The following FOXK1 variants were observed in gnomAD, a reference collection of about 807,000 sequenced individuals.
FOXK1 encodes forkhead box K1, also known as forkhead box protein K1.
FOXK1 carries 19 observed loss-of-function variants against 51.9 expected under a neutral mutation model. The observed-to-expected ratio is 0.37, with a 90% CI of 0.26 to 0.54. The LOEUF (loss-of-function observed/expected upper bound fraction) is 0.54. Ranked by LOEUF, FOXK1 falls within the 20% of genes least tolerant of loss-of-function variation. The pLI, the probability that FOXK1 is intolerant of heterozygous loss-of-function variation, is 0.87. For synonymous variants in FOXK1, 537 were observed against 482.6 expected, an observed-to-expected ratio of 1.11 and a Z score of -1.48; for missense variants, 870 against 1,032.7, an observed-to-expected ratio of 0.84 and a Z score of 2.16.
rs1034699446 is a variant in FOXK1, at chr7:4,715,199, G to A, written c.561-25639G>A. On this transcript the variant is annotated intron_variant, in intron 1 of 8. Coordinates refer to ENST00000328914, the MANE Select transcript of FOXK1 (RefSeq NM_001037165.2). The surrounding 1 kb of genome is among the most constrained non-coding windows in gnomAD (Gnocchi z 4.5). ...ATACGGGGCACGGTGGAACTGTGGC[G>A]ATACGGGGCACGGTGGAACTGTGAT... Among the ~76,000 whole-genome samples, 1 of 152,194 alleles carries A rather than the reference G, an allele frequency of 6.6e-6. No homozygotes were observed. Among genetic ancestry groups the A allele is most frequent in the South Asian group, 2.1e-4 (1 of 4,828 alleles).
chr7:4,733,719 G>A lies in FOXK1; in HGVS notation c.561-7119G>A, dbSNP rs543533531. Among the ~76,000 whole-genome samples the A allele has an allele frequency of 3.3e-5, 5 of 152,240 alleles. No individual in the cohort carries two copies. The highest frequency in any genetic ancestry group is 2.1e-4 in the South Asian group (1 of 4,836). Reference sequence around the variant, plus strand: ...ATGGGAACTGCATCCTGCAGGTATCGCTCGTGAAAACCGGCCTGGCGTCTT... The same window carrying A: ...ATGGGAACTGCATCCTGCAGGTATCACTCGTGAAAACCGGCCTGGCGTCTT... On this transcript the variant is annotated intron_variant, in intron 1 of 8. Coordinates refer to ENST00000328914, the MANE Select transcript of FOXK1 (RefSeq NM_001037165.2). The surrounding 1 kb of genome is among the most constrained non-coding windows in gnomAD (Gnocchi z 5.0).
chr7:4,755,109 C>G lies in FOXK1; in HGVS notation c.904-128C>G, dbSNP rs371438370. ...ACATTAATGGGATAGTTGGAGGGCACTGGGACGGGTGCCGGCAAGACGCGC... is the reference window on the plus strand; with the variant it reads ...ACATTAATGGGATAGTTGGAGGGCAGTGGGACGGGTGCCGGCAAGACGCGC... On this transcript the variant is annotated intron_variant, in intron 3 of 8. Transcript: ENST00000328914. The surrounding 1 kb of genome is among the most constrained non-coding windows in gnomAD (Gnocchi z 6.6). 1.2e-5 allele frequency: 14 copies of G among 1,217,362 alleles called. No homozygotes were observed. The East Asian group carries it at 2.8e-4, about 24-fold the overall frequency. The allele number at this position is 1,217,362 out of a possible 1,614,324, so 75.4% of individuals were successfully genotyped here.
At chr7:4,727,426 G>A (rs1290035088) in intron 1 of FOXK1, among the ~76,000 whole-genome samples, 1 of 151,758 alleles carries the variant, frequency 6.6e-6, no homozygotes, top group Non-Finnish European at 1.5e-5. Context: ...AGTGATTCTT[G>A]TGCCTCAGCC....
rs965332369 is a variant in FOXK1, at chr7:4,707,882, C to T, written c.560+25014C>T. Among the ~76,000 whole-genome samples, 31 of 152,076 alleles carry T rather than the reference C, an allele frequency of 2.0e-4. No individual in the cohort carries two copies. The highest frequency in any genetic ancestry group is 7.0e-4 in the African/African-American group (29 of 41,408). ...TATTTTTAGTAGAGATGGGGTTTCA[C>T]CATGTTGGCCAGGCTGGTCACGAAC... is the stretch of plus-strand genomic sequence containing the variant. On this transcript the variant is annotated intron_variant, in intron 1 of 8. Transcript: ENST00000328914. This position sits in a 1 kb window ranked among gnomAD's most constrained non-coding sequence, Gnocchi z 4.1.
intron 1 of FOXK1, among the ~76,000 whole-genome samples, chr7:4,737,831 G>A (rs976136314): frequency 6.6e-6 from 1 of 152,124 alleles, no homozygotes; most frequent in Non-Finnish European, 1.5e-5. Context: ...TTAGAAAATG[G>A]GTGATGCAAG....
At chr7:4,689,978 G>A (rs1435872196) in intron 1 of FOXK1, among the ~76,000 whole-genome samples, 2 of 152,220 alleles carry the variant, frequency 1.3e-5, no homozygotes, top group Non-Finnish European at 2.9e-5. Context: ...TCTCTTTCCA[G>A]CGAGTAGACG....
At chr7:4,713,079 T>C (rs1780194305) in intron 1 of FOXK1, among the ~76,000 whole-genome samples, 1 of 152,192 alleles carries the variant, frequency 6.6e-6, no homozygotes, top group Non-Finnish European at 1.5e-5. Flanking sequence ...CATAGATAAC[T>C]TTGGTTCAGG....
At chr7:4,720,131 T>C (rs1780290146) in intron 1 of FOXK1, among the ~76,000 whole-genome samples, 1 of 152,226 alleles carries the variant, frequency 6.6e-6, no homozygotes, top group African/African-American at 2.4e-5. Context: ...CCCTCATTGG[T>C]TTCTCCCTGG....
chr7:4,694,622 G>A (rs996526020), intron 1 of FOXK1, among the ~76,000 whole-genome samples: 2 of 152,102 alleles, frequency 1.3e-5, no homozygotes, highest in Non-Finnish European at 1.5e-5. Flanking sequence ...CTTTATTTTT[G>A]TTTTTGTTGG....
intron 1 of FOXK1, among the ~76,000 whole-genome samples, chr7:4,693,990 C>T (rs1452273127): frequency 6.6e-6 from 1 of 152,140 alleles, no homozygotes; most frequent in African/African-American, 2.4e-5. Context: ...AAACGATCCT[C>T]CTGCCTCAGC....
rs1222734966 is a variant in FOXK1, at chr7:4,735,004, A to G, written c.561-5834A>G. On this transcript the variant is annotated intron_variant, in intron 1 of 8. Transcript: ENST00000328914. The surrounding 1 kb of genome is among the most constrained non-coding windows in gnomAD (Gnocchi z 4.7). ...AATGATGACAATTGTATTTATATTT[A>G]TGTCATCGAGAATTAAGTGAGCTAT... Among the ~76,000 whole-genome samples, 1 of 152,118 alleles carries G rather than the reference A, an allele frequency of 6.6e-6. No individual in the cohort carries two copies. The highest frequency in any genetic ancestry group is 2.4e-5 in the African/African-American group (1 of 41,412).
At chr7:4,698,304 A>G (rs1490476870) in intron 1 of FOXK1, among the ~76,000 whole-genome samples, 1 of 150,714 alleles carries the variant, frequency 6.6e-6, no homozygotes, top group East Asian at 2.0e-4. Context: ...TTATATATGT[A>G]TGTGTGTGTA....
At position 4,768,790 on chromosome 7, in the gene FOXK1, C is replaced by T. The variant is rs934377526; in HGVS notation, c.*6326C>T. ...GAGGATTCGTCTCTGACTGATGAACCTCGCCGTGCCTGTCTGTCACATCCA... is the reference window on the plus strand; with the variant it reads ...GAGGATTCGTCTCTGACTGATGAACTTCGCCGTGCCTGTCTGTCACATCCA... On this transcript the variant is annotated 3_prime_UTR_variant, in exon 9 of 9. Transcript: ENST00000328914. 4 of 152,252 alleles carry T rather than the reference C, an allele frequency of 2.6e-5. No individual in the cohort carries two copies. Among genetic ancestry groups the T allele is most frequent in the Non-Finnish European group, 4.4e-5 (3 of 68,084 alleles). The allele number at this position is 152,252 out of a possible 1,614,324, so 9.4% of individuals were successfully genotyped here.
chr7:4,741,101 C>T lies in FOXK1; in HGVS notation c.746+78C>T, dbSNP rs761516638. The T allele has an allele frequency of 6.7e-5, 71 of 1,055,726 alleles. No homozygotes were observed. In the East Asian group the frequency reaches 1.2e-3, roughly 17 times the overall value. The allele number at this position is 1,055,726 out of a possible 1,614,324, so 65.4% of individuals were successfully genotyped here. A position where few individuals can be genotyped will look rare whatever the true frequency, so the allele number is the denominator to read the frequency against. On this transcript the variant is annotated intron_variant, in intron 2 of 8. Coordinates refer to ENST00000328914, the MANE Select transcript of FOXK1 (RefSeq NM_001037165.2). ...CGAGCGTGCCTGTCGTACGCAGCAC[C>T]GGGTTCCAAATCTCTCTGGAAAGTT...
chr7:4,740,634 G>A (rs1780620760), intron 1 of FOXK1, among the ~76,000 whole-genome samples: 1 of 151,946 alleles, frequency 6.6e-6, no homozygotes, highest in Non-Finnish European at 1.5e-5. Context: ...ATAAAATAAA[G>A]AAATAGAAAG....
intron 1 of FOXK1, among the ~76,000 whole-genome samples, chr7:4,721,871 G>T (rs573275935): frequency 2.0e-5 from 3 of 152,240 alleles, no homozygotes; most frequent in Admixed American, 6.5e-5. Context: ...GATTACAGGC[G>T]TGAGCCACCA....
At position 4,740,907 on chromosome 7, in the gene FOXK1, C is replaced by T. The variant is rs1780625415; in HGVS notation, c.630C>T (p.Ala210=). Residue 210 remains alanine, a synonymous_variant, in exon 2 of 9, where the codon GCC becomes GCT. Coordinates refer to ENST00000328914, the MANE Select transcript of FOXK1 (RefSeq NM_001037165.2). ...QFTSLYHKEE[A]PASPLRPLYP... is the part of the protein sequence containing the mutation. ...CGTCGCTCTATCACAAAGAAGAGGC[C>T]CCAGCCTCCCCGCTGCGGCCACTGT... The T allele has an allele frequency of 6.3e-7, 1 of 1,588,882 alleles. No homozygotes were observed. The highest frequency in any genetic ancestry group is 8.6e-7 in the Non-Finnish European group (1 of 1,169,326).
In FOXK1 at chr7:4,706,045, T is replaced by TATATATATGTGTATATAC. The variant is rs1562373246; in HGVS notation, c.560+23177_560+23178insATATATATGTGTATATAC. 4.7e-4 allele frequency among the ~76,000 whole-genome samples: 56 copies of TATATATATGTGTATATAC among 118,288 alleles called. 3 individuals carry two copies. Among genetic ancestry groups the TATATATATGTGTATATAC allele is most frequent in the African/African-American group, 3.0e-3 (54 of 17,986 alleles). The allele number at this position is 118,288 out of a possible 152,430, so 77.6% of individuals were successfully genotyped here. The stretch of plus-strand genomic sequence containing the variant: ...ATACGTGTATATACGTGTATATACG[T>TATATATATGTGTATATAC]GTATATATGTATATATATGTGTATA... On this transcript the variant is annotated intron_variant, in intron 1 of 8. Coordinates refer to ENST00000328914, the MANE Select transcript of FOXK1 (RefSeq NM_001037165.2).
Position 4,762,230 on chromosome 7 carries a change from C to A in FOXK1, c.1968C>A (p.Ser656=). ...LQLLATQASS[S]APVVVTRVCE... is the part of the protein sequence containing the mutation. ...TCCTTGCGACCCAAGCGAGTTCATCCGCGCCGGTGGTGGTCACCCGGGTGT... is the reference window on the plus strand; with the variant it reads ...TCCTTGCGACCCAAGCGAGTTCATCAGCGCCGGTGGTGGTCACCCGGGTGT... The change falls in exon 9 of 9, where the codon TCC becomes TCA. Residue 656 remains serine (S), a synonymous_variant. Coordinates refer to ENST00000328914, the MANE Select transcript of FOXK1 (RefSeq NM_001037165.2). The surrounding 1 kb of genome is among the most constrained non-coding windows in gnomAD (Gnocchi z 5.7). 5 of 1,554,644 alleles carry A rather than the reference C, an allele frequency of 3.2e-6. No individual in the cohort carries two copies. The highest frequency in any genetic ancestry group is 4.4e-6 in the Non-Finnish European group (5 of 1,148,546).
Sources: allele counts gnomAD v4.1 joint callset (sites outside exome capture counted in the v4.1 genomes callset), GRCh38; gene constraint gnomAD v4.1.1; non-coding constraint Gnocchi (gnomAD v3.1); transcripts MANE v1.5; gene names NCBI Gene and HGNC (gene_info 2026-07-23, HGNC 2026-07-21).